The following NHSL1 variants were observed in gnomAD, a reference collection of about 807,000 sequenced individuals.
NHSL1 encodes the protein NHS-like protein 1.
A neutral mutation model predicts 95.0 loss-of-function variants in NHSL1; 48 were observed. The observed-to-expected ratio is 0.51, with a 90% confidence interval of 0.40 to 0.64. The LOEUF is 0.64. Ranked by LOEUF, NHSL1 falls within the 30% of genes least tolerant of loss-of-function variation. The pLI is 0.00. For missense variants in NHSL1, 1,971 were observed against 2,077.7 expected, an observed-to-expected ratio of 0.95 and a Z score of 1.00; for synonymous variants, 783 against 833.9, an observed-to-expected ratio of 0.94 and a Z score of 1.05.
intron 1 of NHSL1, among the ~76,000 whole-genome samples, chr6:138,535,253 T>G (rs373991536): frequency 6.6e-6 from 1 of 151,964 alleles, no homozygotes; most frequent in African/African-American, 2.4e-5. Context: ...CCAAATTGAA[T>G]GTAGGAATAA....
intron 1 of NHSL1, among the ~76,000 whole-genome samples, chr6:138,523,950 TATGTGAA>T (rs1781797111): frequency 6.6e-6 from 1 of 152,246 alleles, no homozygotes; most frequent in East Asian, 1.9e-4. Context: ...CTGGGAATTT[TATGTGAA>T]TGATCTCATT....
Position 138,429,728 on chromosome 6 carries a change from A to C in NHSL1, c.4068T>G (p.Leu1356=). 6.4e-7 allele frequency: 1 copy of C among 1,551,350 alleles called. No individual in the cohort carries two copies. Among genetic ancestry groups the C allele is most frequent in the South Asian group, 1.2e-5 (1 of 83,962 alleles). Residue 1356 remains leucine, a synonymous_variant, in exon 7 of 8, where the codon CTT becomes CTG. Coordinates refer to ENST00000343505, the MANE Select transcript of NHSL1 (RefSeq NM_001144060.2). ...TGAAATACCTGTGAATAGCTGCAAAAAGGTCTTCTGTGGTCCTGGGTCGAC... is the reference window on the plus strand; with the variant it reads ...TGAAATACCTGTGAATAGCTGCAAACAGGTCTTCTGTGGTCCTGGGTCGAC... ...TPSRPRTTED[L]FAAIHRSKRK...
chr6:138,644,458 G>A lies in NHSL1; in HGVS notation c.96+48018C>T, dbSNP rs546474922. Among the ~76,000 whole-genome samples, 6 of 152,288 alleles carry A rather than the reference G, an allele frequency of 3.9e-5. No homozygotes were observed. In the South Asian group the frequency reaches 1.2e-3, roughly 32 times the overall value. The stretch of plus-strand genomic sequence containing the variant: ...GCAGAGGTTGCAGCGAGCCGAGACT[G>A]TGCCACTGCACTCTAGCCTGGGCAA... On this transcript the variant is annotated intron_variant, in intron 1 of 3. Coordinates refer to the NHSL1 transcript ENST00000491526.
chr6:138,635,851 C>T (rs1266924436), intron 1 of NHSL1, among the ~76,000 whole-genome samples: 13 of 151,272 alleles, frequency 8.6e-5, no homozygotes, highest in South Asian at 4.2e-4. Context: ...CAGTGGCTCA[C>T]GCCAGTAATC....
chr6:138,424,588 T>G lies in NHSL1; in HGVS notation c.4314A>C (p.Ala1438=). Residue 1438 remains alanine (A), a synonymous_variant, in exon 8 of 8, where the codon GCA becomes GCC. Transcript: ENST00000343505. This position sits in a 1 kb window ranked among gnomAD's most constrained non-coding sequence, Gnocchi z 5.9. ...SRSDTSARMS[A]AEMLKNTDPR... ...GGTCTGTGTTCTTGAGCATCTCTGC[T>G]GCAGACATGCGGGCGCTGGTGTCTG... is the stretch of plus-strand genomic sequence containing the variant. The G allele has an allele frequency of 3.9e-6, 6 of 1,551,648 alleles. No homozygotes were observed. Among genetic ancestry groups the G allele is most frequent in the Non-Finnish European group, 4.4e-6 (5 of 1,146,962 alleles).
At chr6:138,515,856 T>G (rs1781437536) in intron 1 of NHSL1, among the ~76,000 whole-genome samples, 1 of 152,176 alleles carries the variant, frequency 6.6e-6, no homozygotes, top group Non-Finnish European at 1.5e-5. Flanking sequence ...ACATTCCAAC[T>G]CAACAAGAGG....
chr6:138,587,572 T>C (rs1410858185), intron 1 of NHSL1, among the ~76,000 whole-genome samples: 1 of 148,988 alleles, frequency 6.7e-6, no homozygotes, highest in East Asian at 2.0e-4. Flanking sequence ...CTTTAAGAAC[T>C]ACTGATCTTT....
In NHSL1 at chr6:138,569,467, C is replaced by T. The variant is rs79911845; in HGVS notation, c.202+2243G>A. Among the ~76,000 whole-genome samples the T allele has an allele frequency of 8.7e-3, 1,319 of 152,194 alleles. 20 individuals are homozygous for T. The highest frequency in any genetic ancestry group is 0.03 in the African/African-American group (1,263 of 41,500). ...GAGATATAAAAGATGCTACACATTCCCATCAGACCAATGTGTCTCCCAGTG... is the reference window on the plus strand; with the variant it reads ...GAGATATAAAAGATGCTACACATTCTCATCAGACCAATGTGTCTCCCAGTG... On this transcript the variant is annotated intron_variant, in intron 1 of 6. Transcript: ENST00000427025.
chr6:138,608,837 C>T (rs1784470058), intron 1 of NHSL1, among the ~76,000 whole-genome samples: 1 of 152,172 alleles, frequency 6.6e-6, no homozygotes. Flanking sequence ...CCATCCCTCC[C>T]TTTTAGGGGA....
chr6:138,629,495 G>C (rs1159218088), intron 1 of NHSL1, among the ~76,000 whole-genome samples: 1 of 151,726 alleles, frequency 6.6e-6, no homozygotes, highest in Non-Finnish European at 1.5e-5. Flanking sequence ...CAATTCTCCT[G>C]CCTCAGCCTC....
upstream of NHSL1, among the ~76,000 whole-genome samples, chr6:138,546,114 C>CT (rs939241445): frequency 2.0e-5 from 3 of 151,916 alleles, no homozygotes; most frequent in Admixed American, 2.0e-4. Flanking sequence ...ACATGCTCCC[C>CT]TTTTTTTTCT....
intron 1 of NHSL1, among the ~76,000 whole-genome samples, chr6:138,562,963 T>G (rs138552539): frequency 6.6e-6 from 1 of 152,222 alleles, no homozygotes; most frequent in African/African-American, 2.4e-5. Context: ...AAGTATGAAG[T>G]GCATACTCAA....
chr6:138,423,095 A>AG lies in NHSL1; in HGVS notation c.*985_*986insC, dbSNP rs1491369763. On this transcript the variant is annotated 3_prime_UTR_variant, in exon 8 of 8. Transcript: ENST00000343505. ...CCTAATGGAAGTTTAAACTCTGGTT[A>AG]AAAAAAAAAAAAAAAAAAAACTGTT... The AG allele has an allele frequency of 3.4e-4, 1 of 2,954 alleles. No individual in the cohort carries two copies. Among genetic ancestry groups the AG allele is most frequent in the African/African-American group, 4.5e-4 (1 of 2,214 alleles). 0.2% of individuals were successfully genotyped at this position (2,954 alleles called of 1,614,324 possible).
rs572028275 is a variant in NHSL1 at position 138,519,394 on chromosome 6, C to T, written c.17-23023G>A. Among the ~76,000 whole-genome samples the T allele has an allele frequency of 7.9e-4, 120 of 152,224 alleles. 1 individual carries two copies. Among genetic ancestry groups the T allele is most frequent in the African/African-American group, 2.7e-3 (112 of 41,546 alleles). ...GTCTCTCATAACTCAAAAATATTTA[C>T]TTCTTCATAAACACCCAAATATTGT... On this transcript the variant is annotated intron_variant, in intron 1 of 4. Coordinates refer to the NHSL1 transcript ENST00000342260.
intron 1 of NHSL1, among the ~76,000 whole-genome samples, chr6:138,633,135 C>T (rs1349020136): frequency 6.6e-6 from 1 of 151,976 alleles, no homozygotes; most frequent in Non-Finnish European, 1.5e-5. Flanking sequence ...TGAAGACAGG[C>T]TATTTGAAAA....
chr6:138,470,460 G>T (rs12526140), intron 3 of NHSL1: 8,479 of 152,052 alleles, frequency 0.056, 656 homozygotes, highest in East Asian at 0.3. Flanking sequence ...GCTAGTTTTT[G>T]TTCTATTTTC....
At chr6:138,543,453 G>T (rs572849857) in intron 1 of NHSL1, among the ~76,000 whole-genome samples, 166 of 152,322 alleles carry the variant, frequency 1.1e-3, no homozygotes, top group African/African-American at 3.8e-3. Flanking sequence ...CTTCAGAAAA[G>T]AAACAGTCTA....
At chr6:138,583,129 G>A (rs929906549) in intron 1 of NHSL1, among the ~76,000 whole-genome samples, 9 of 152,162 alleles carry the variant, frequency 5.9e-5, no homozygotes, top group African/African-American at 2.2e-4. Context: ...GGGTACAAAG[G>A]ATGGCTGGTC....
At chr6:138,654,275 A>C (rs1785128632) in intron 1 of NHSL1, among the ~76,000 whole-genome samples, 1 of 152,224 alleles carries the variant, frequency 6.6e-6, no homozygotes, top group African/African-American at 2.4e-5. Flanking sequence ...TGCTTGCAAA[A>C]AAAATTAACT....
Sources: gnomAD v4.1 joint callset for allele counts (sites outside exome capture counted in the v4.1 genomes callset) on GRCh38, gnomAD v4.1.1 for gene constraint, Gnocchi (gnomAD v3.1) non-coding constraint, MANE v1.5 for transcripts, NCBI Gene and HGNC (gene_info 2026-07-23, HGNC 2026-07-21) for gene names.